Variants in FAT4 observed in about 807,000 individuals in gnomAD.
The protein encoded by FAT4 is FAT atypical cadherin 4, also known as protocadherin Fat 4.
A neutral mutation model predicts 303.9 loss-of-function variants in FAT4; 84 were observed. The ratio of observed to expected loss-of-function variants is 0.28; its 90% CI spans 0.23 to 0.33. The LOEUF is 0.33. Among genes scored for constraint, FAT4 ranks in the 10% least tolerant of loss-of-function variants. The probability of loss-of-function intolerance (pLI) is 1.00; values close to 1 mark genes in which losing one functional copy is unlikely to be tolerated. For missense variants in FAT4, 6,005 were observed against 6,146.8 expected, an observed-to-expected ratio of 0.98 and a Z score of 0.77; for synonymous variants, 2,307 against 2,298.8, an observed-to-expected ratio of 1.00 and a Z score of -0.10.
chr4:125,440,610 T>TGTGTGTGTGAGAGAGAGAGA (rs372756130), intron 8 of FAT4, among the ~76,000 whole-genome samples: 9 of 75,726 alleles, frequency 1.2e-4, no homozygotes, highest in East Asian at 4.5e-4. Context: ...TGTGTGTGTG[T>TGTGTGTGTGAGAGAGAGAGA]GAGAGAGAGA....
rs752871431 is a variant in FAT4 at position 125,449,146 on chromosome 4, C to G, written c.8136C>G (p.Gly2712=). The G allele has an allele frequency of 6.2e-7, 1 of 1,613,884 alleles. No homozygotes were observed. Among genetic ancestry groups the G allele is most frequent in the Admixed American group, 1.7e-5 (1 of 60,000 alleles). Reference sequence around the variant, plus strand: ...AGTTAGATTATGAAATTGTTAATGGCAACATGGAAAATAGTTTCAGTATCA... The same window carrying G: ...AGTTAGATTATGAAATTGTTAATGGGAACATGGAAAATAGTTTCAGTATCA... The part of the protein sequence containing the change: ...NGQLDYEIVN[G]NMENSFSINH... The change falls in exon 10 of 18, where the codon GGC becomes GGG. Residue 2712 remains glycine (G), a synonymous_variant. Transcript: ENST00000394329.
At chr4:125,460,688 A>G (rs1383185971) in intron 10 of FAT4, among the ~76,000 whole-genome samples, 1 of 152,052 alleles carries the variant, frequency 6.6e-6, no homozygotes, top group East Asian at 1.9e-4. Context: ...TCTGTCATTT[A>G]TCAGCATTTA....
intron 8 of FAT4, among the ~76,000 whole-genome samples, chr4:125,435,798 A>T (rs1725430423): frequency 6.6e-6 from 1 of 152,126 alleles, no homozygotes; most frequent in Non-Finnish European, 1.5e-5. Context: ...TTAGGTGAGA[A>T]ACTACTGGGG....
At position 125,320,793 on chromosome 4, in the gene FAT4, A is replaced by G. The variant is rs1468654357; in HGVS notation, c.4382A>G (p.Gln1461Arg). The part of the protein sequence containing the change: ...INGQLSYTII[Q>R]QMPRGNHFTI... ...GGTCAACTATCCTACACAATCATTC[A>G]ACAGATGCCAAGAGGCAACCACTTT... The change falls in exon 2 of 18, where the codon CAA (glutamine) becomes CGA (arginine). Residue 1461 changes from glutamine to arginine, a missense_variant. Gln to Arg is a conservative substitution (Grantham distance 43). Transcript: ENST00000394329. 1 of 1,614,136 alleles carries G rather than the reference A, an allele frequency of 6.2e-7. No individual in the cohort carries two copies. The highest frequency in any genetic ancestry group is 1.7e-5 in the Admixed American group (1 of 60,022).
At chr4:125,399,700 C>T (rs556198719) in intron 3 of FAT4, among the ~76,000 whole-genome samples, 2 of 151,938 alleles carry the variant, frequency 1.3e-5, no homozygotes, top group East Asian at 1.9e-4. Flanking sequence ...ATTTTAACTG[C>T]CAATACAGAA....
At chr4:125,345,044 A>T (rs1319852150) in intron 2 of FAT4, among the ~76,000 whole-genome samples, 1 of 152,140 alleles carries the variant, frequency 6.6e-6, no homozygotes, top group Non-Finnish European at 1.5e-5. Flanking sequence ...TAGAAGGTCC[A>T]TGTGTAATTT....
At chr4:125,472,582 A>G (rs1014209922) in intron 12 of FAT4, among the ~76,000 whole-genome samples, 3 of 152,180 alleles carry the variant, frequency 2.0e-5, no homozygotes, top group Non-Finnish European at 2.9e-5. Context: ...ACAATCTATT[A>G]TGAAAGAACA....
chr4:125,316,442 C>T lies in FAT4; in HGVS notation c.31C>T (p.Arg11Cys), dbSNP rs768846719. 1.2e-5 allele frequency: 20 copies of T among 1,612,878 alleles called. No homozygotes were observed. The highest frequency in any genetic ancestry group is 1.6e-4 in the Middle Eastern group (1 of 6,078). The change falls in exon 2 of 18, where the codon CGC becomes TGC. Residue 11 changes from arginine to cysteine, a missense_variant. Coordinates refer to ENST00000394329, the MANE Select transcript of FAT4 (RefSeq NM_001291303.3). This position sits in a 1 kb window ranked among gnomAD's most constrained non-coding sequence, Gnocchi z 5.7. Reference sequence around the variant, plus strand: ...CTTAGCACCAGACAGGGCTACTGGCCGCCCGTGGCTCCCGTTGCACACTCT... The same window carrying T: ...CTTAGCACCAGACAGGGCTACTGGCTGCCCGTGGCTCCCGTTGCACACTCT... MDLAPDRATG[R>C]PWLPLHTLSV...
chr4:125,377,637 A>C (rs2125996187), intron 2 of FAT4, among the ~76,000 whole-genome samples: 1 of 152,256 alleles, frequency 6.6e-6, no homozygotes, highest in African/African-American at 2.4e-5. Flanking sequence ...GCAAGTTATT[A>C]ATGCAACCAA....
At chr4:125,359,790 G>A (rs986386608) in intron 2 of FAT4, among the ~76,000 whole-genome samples, 2 of 152,076 alleles carry the variant, frequency 1.3e-5, no homozygotes, top group African/African-American at 2.4e-5. Context: ...ATGCCCTTAC[G>A]TTTTTGCCTG....
intron 2 of FAT4, among the ~76,000 whole-genome samples, chr4:125,380,841 A>G (rs1193812736): frequency 6.6e-6 from 1 of 152,186 alleles, no homozygotes; most frequent in African/African-American, 2.4e-5. Context: ...ATTTTTGTGC[A>G]TTTACTGGAT....
chr4:125,369,393 TTGCACTCCATCC>T (rs1228751042), intron 2 of FAT4, among the ~76,000 whole-genome samples: 9 of 152,000 alleles, frequency 5.9e-5, no homozygotes, highest in Non-Finnish European at 1.5e-5. Flanking sequence ...GATTGCCTCA[TTGCACTCCATCC>T]TGCCTGGGTG....
intron 5 of FAT4, among the ~76,000 whole-genome samples, chr4:125,411,673 A>AG (rs1734847676): frequency 6.7e-6 from 1 of 150,118 alleles, no homozygotes; most frequent in Non-Finnish European, 1.5e-5. Flanking sequence ...GAGTAAATAT[A>AG]CATATTTTAT....
chr4:125,368,663 T>C (rs1265329685), intron 2 of FAT4, among the ~76,000 whole-genome samples: 1 of 151,464 alleles, frequency 6.6e-6, no homozygotes, highest in Non-Finnish European at 1.5e-5. Context: ...AAATACCGCA[T>C]ACACACATGA....
At chr4:125,477,749 A>C (rs1008434992) in intron 14 of FAT4, among the ~76,000 whole-genome samples, 5 of 152,238 alleles carry the variant, frequency 3.3e-5, no homozygotes, top group African/African-American at 1.2e-4. Context: ...ATTCCTAAAA[A>C]CTTGATACAG....
In FAT4 at chr4:125,490,903, C is replaced by T. The variant is rs1019883927; in HGVS notation, c.14087C>T (p.Thr4696Ile). The T allele has an allele frequency of 1.9e-6, 3 of 1,614,118 alleles. No homozygotes were observed. Among genetic ancestry groups the T allele is most frequent in the African/African-American group, 1.3e-5 (1 of 74,952 alleles). Residue 4696 changes from threonine (T) to isoleucine (I), a missense_variant, in exon 18 of 18, where the codon ACT (threonine) becomes ATT (isoleucine). Physicochemically the swap from Thr to Ile is moderately conservative, Grantham distance 89. Transcript: ENST00000394329. The stretch of plus-strand genomic sequence containing the variant: ...TCCCTAAGCCACTCAGCATGCCCAA[C>T]TCCCAACCCTCTGTCTCGACACAGT... ...TSSLSHSACP[T>I]PNPLSRHSPA... is the part of the protein sequence containing the mutation.
At chr4:125,389,819 T>A (rs1377768579) in intron 2 of FAT4, among the ~76,000 whole-genome samples, 1 of 152,212 alleles carries the variant, frequency 6.6e-6, no homozygotes, top group Non-Finnish European at 1.5e-5. Flanking sequence ...AAAACCTTGT[T>A]CATAGAGATC....
intron 2 of FAT4, among the ~76,000 whole-genome samples, chr4:125,365,759 G>A (rs1198973842): frequency 6.6e-6 from 1 of 152,100 alleles, no homozygotes; most frequent in Non-Finnish European, 1.5e-5. Context: ...AAACAGAAAC[G>A]CCTTGAATAT....
intron 2 of FAT4, 82 bp from the exon 3 acceptor site, chr4:125,398,702 C>G (rs11946554): frequency 7.2e-7 from 1 of 1,384,026 alleles, no homozygotes; most frequent in Non-Finnish European, 1.0e-6. Flanking sequence ...GTCTTGATTG[C>G]GTGGATTCCT....
Sources: allele counts gnomAD v4.1 joint callset (sites outside exome capture counted in the v4.1 genomes callset), GRCh38; gene constraint gnomAD v4.1.1; non-coding constraint Gnocchi (gnomAD v3.1); transcripts MANE v1.5; gene names NCBI Gene and HGNC (gene_info 2026-07-23, HGNC 2026-07-21).